Variants in LDB2 observed in about 807,000 individuals in gnomAD.
LDB2 encodes LIM domain binding 2.
In LDB2, 12 loss-of-function variants were observed where a neutral mutation model predicts 44.3. The observed-to-expected ratio is 0.27, with a 90% CI of 0.17 to 0.44. LDB2 has a LOEUF of 0.44. Ranked by LOEUF, LDB2 falls within the 20% of genes least tolerant of loss-of-function variation. LDB2 has a pLI of 1.00. For synonymous variants in LDB2, 164 were observed against 174.8 expected (o/e 0.94, Z 0.49); for missense variants, 344 against 473.5 (o/e 0.73, Z 2.54).
At chr4:16,724,048 G>C (rs917288011) in intron 2 of LDB2, among the ~76,000 whole-genome samples, 1 of 152,110 alleles carries the variant, frequency 6.6e-6, no homozygotes, top group Non-Finnish European at 1.5e-5. Flanking sequence ...GCCTAGTGCA[G>C]TGCAGCCAAT....
At chr4:16,875,148 T>C (rs1309632333) in intron 1 of LDB2, among the ~76,000 whole-genome samples, 1 of 152,076 alleles carries the variant, frequency 6.6e-6, no homozygotes. Flanking sequence ...TGAGAATCAA[T>C]AGCAGCTGGG....
chr4:16,608,270 A>G (rs1257427711), intron 2 of LDB2, among the ~76,000 whole-genome samples: 1 of 151,860 alleles, frequency 6.6e-6, no homozygotes, highest in African/African-American at 2.4e-5. Context: ...GGCATTTTAC[A>G]GGAAGTAAAA....
In LDB2 at chr4:16,764,902, C is replaced by T. The variant is rs181747281; in HGVS notation, c.133-5642G>A. Among the ~76,000 whole-genome samples the T allele has an allele frequency of 4.0e-3, 611 of 152,258 alleles. 2 individuals are homozygous for T. Among genetic ancestry groups the T allele is most frequent in the Middle Eastern group, 0.02 (6 of 294 alleles). On this transcript the variant is annotated intron_variant, in intron 1 of 7. Transcript: ENST00000304523. Reference sequence around the variant, plus strand: ...TAGAGCAGCTCACTAAATCCAGTTTCCGCTAAAGTTTAGAGGCAAAGCAGG... The same window carrying T: ...TAGAGCAGCTCACTAAATCCAGTTTTCGCTAAAGTTTAGAGGCAAAGCAGG...
At chr4:16,517,789 G>A (rs1441100429) in intron 5 of LDB2, among the ~76,000 whole-genome samples, 1 of 152,176 alleles carries the variant, frequency 6.6e-6, no homozygotes, top group Non-Finnish European at 1.5e-5. Flanking sequence ...GCTCTCCTAT[G>A]CTTCTGACCT....
At position 16,807,865 on chromosome 4, in the gene LDB2, G is replaced by A. The variant is rs141611005; in HGVS notation, c.133-48605C>T. ...AGAAATTGTCAAAGATTTCTAAACA[G>A]GGCAAAAAACTAAAGAGTACTTAGG... On this transcript the variant is annotated intron_variant, in intron 1 of 7. Coordinates refer to ENST00000304523, the MANE Select transcript of LDB2 (RefSeq NM_001290.5). Among the ~76,000 whole-genome samples, 206 of 152,190 alleles carry A rather than the reference G, an allele frequency of 1.4e-3. 1 individual carries two copies. The highest frequency in any genetic ancestry group is 4.7e-3 in the African/African-American group (195 of 41,540).
intron 6 of LDB2, 41 bp downstream of exon 6, chr4:16,511,940 T>C (rs1294307010): frequency 6.3e-7 from 1 of 1,580,704 alleles, no homozygotes; most frequent in Admixed American, 1.8e-5. Context: ...AAGACACCTC[T>C]GAAAACGTGT....
At chr4:16,790,439 C>A (rs1775460211) in intron 1 of LDB2, among the ~76,000 whole-genome samples, 1 of 152,024 alleles carries the variant, frequency 6.6e-6, no homozygotes, top group Non-Finnish European at 1.5e-5. Flanking sequence ...TAGATATCAG[C>A]AATGCAGCAT....
chr4:16,663,709 A>T (rs1295964890), intron 2 of LDB2, among the ~76,000 whole-genome samples: 2 of 152,208 alleles, frequency 1.3e-5, no homozygotes, highest in African/African-American at 4.8e-5. Flanking sequence ...TCGTAATCTA[A>T]GATCTTTTAG....
At chr4:16,897,560 T>C (rs1725402974) in intron 1 of LDB2, among the ~76,000 whole-genome samples, 1 of 151,916 alleles carries the variant, frequency 6.6e-6, no homozygotes, top group Non-Finnish European at 1.5e-5. Context: ...GCTCCCAGAG[T>C]TGCTGGCTGC....
intron 5 of LDB2, among the ~76,000 whole-genome samples, chr4:16,568,414 G>T (rs546066083): frequency 2.0e-5 from 3 of 152,306 alleles, no homozygotes; most frequent in African/African-American, 7.2e-5. Context: ...GACATTGAGG[G>T]TAAGTGAGGG....
chr4:16,864,602 A>T (rs908173941), intron 1 of LDB2, among the ~76,000 whole-genome samples: 1 of 152,288 alleles, frequency 6.6e-6, no homozygotes, highest in Non-Finnish European at 1.5e-5. Flanking sequence ...CAGAGACAAG[A>T]AAAGGGAACT....
intron 2 of LDB2, among the ~76,000 whole-genome samples, chr4:16,599,666 A>G (rs11722066): frequency 0.017 from 2,640 of 152,258 alleles, 31 homozygotes; most frequent in Non-Finnish European, 0.026. Context: ...CCATGCACAT[A>G]CGCACGCAAT....
intron 1 of LDB2, among the ~76,000 whole-genome samples, chr4:16,863,302 C>T (rs1713378196): frequency 1.3e-5 from 2 of 152,186 alleles, no homozygotes; most frequent in Non-Finnish European, 2.9e-5. Context: ...CCCTTCTCCT[C>T]TCTTAGCTAG....
chr4:16,777,577 C>T lies in LDB2; in HGVS notation c.133-18317G>A, dbSNP rs1395583393. Among the ~76,000 whole-genome samples the T allele has an allele frequency of 4.6e-5, 7 of 152,256 alleles. No homozygotes were observed. The East Asian group carries it at 1.4e-3, about 30-fold the overall frequency. On this transcript the variant is annotated intron_variant, in intron 1 of 7. Coordinates refer to ENST00000304523, the MANE Select transcript of LDB2 (RefSeq NM_001290.5). The stretch of plus-strand genomic sequence containing the variant: ...TCTTTTCCTACAAGCAATGGGATAT[C>T]ATAGAAAGGCTTTAAGCAGGCATGT...
intron 5 of LDB2, among the ~76,000 whole-genome samples, chr4:16,545,109 C>G (rs993639965): frequency 8.6e-5 from 13 of 151,988 alleles, no homozygotes; most frequent in African/African-American, 2.4e-4. Context: ...TCTGCCTGCT[C>G]TCCTTCCTCC....
chr4:16,548,416 C>G (rs1032788100), intron 5 of LDB2, among the ~76,000 whole-genome samples: 5 of 152,178 alleles, frequency 3.3e-5, no homozygotes, highest in Non-Finnish European at 5.9e-5. Context: ...CCTTTCTCCT[C>G]AAGTTGGACT....
At chr4:16,833,103 T>C (rs1462731206) in intron 1 of LDB2, among the ~76,000 whole-genome samples, 1 of 152,152 alleles carries the variant, frequency 6.6e-6, no homozygotes, top group Non-Finnish European at 1.5e-5. Flanking sequence ...ATCTTAATCT[T>C]GGGGCATAAT....
chr4:16,516,049 G>T (rs1182785208), intron 5 of LDB2, among the ~76,000 whole-genome samples: 1 of 151,510 alleles, frequency 6.6e-6, no homozygotes, highest in Admixed American at 6.6e-5. Context: ...ATTTTTTTTA[G>T]TAGAGACGGG....
chr4:16,794,170 G>A (rs1191721924), intron 1 of LDB2, among the ~76,000 whole-genome samples: 1 of 152,098 alleles, frequency 6.6e-6, no homozygotes, highest in Non-Finnish European at 1.5e-5. Context: ...TCAAATATAT[G>A]GGTTAGGCAG....
Sources: allele counts gnomAD v4.1 joint callset (sites outside exome capture counted in the v4.1 genomes callset), GRCh38; gene constraint gnomAD v4.1.1; transcripts MANE v1.5; gene names NCBI Gene and HGNC (gene_info 2026-07-23, HGNC 2026-07-21).